SYNE2: variants seen among roughly 807,000 people sequenced by gnomAD.
The protein encoded by SYNE2 is spectrin repeat containing nuclear envelope protein 2.
A neutral mutation model predicts 856.3 loss-of-function variants in SYNE2; 431 were observed. The observed-to-expected ratio is 0.50, with a 90% CI of 0.47 to 0.55. SYNE2 has a LOEUF of 0.55. Ranked by LOEUF, SYNE2 falls within the 20% of genes least tolerant of loss-of-function variation. SYNE2 has a pLI of 0.00. For missense variants in SYNE2, 8,129 were observed against 8,023.2 expected (o/e 1.01, Z -0.50); for synonymous variants, 2,923 against 2,872.3 (o/e 1.02, Z -0.56).
At chr14:63,853,268 G>GGGAACCGACCCGATGCCGGGGTC (rs1437173491) in intron 1 of SYNE2, 125 bp downstream of exon 1, 2 of 152,114 alleles carry the variant, frequency 1.3e-5, no homozygotes, top group African/African-American at 4.8e-5. Context: ...GGCGGGAGAC[G>GGGAACCGACCCGATGCCGGGGTC]GGAACCGACC....
At chr14:63,995,923 C>T (rs926808513) in intron 23 of SYNE2, among the ~76,000 whole-genome samples, 20 of 152,088 alleles carry the variant, frequency 1.3e-4, no homozygotes, top group Non-Finnish European at 2.5e-4. Context: ...TGGCTAATTC[C>T]GTGCTTCCCT....
chr14:63,765,926 A>G (rs962244141), intron 1 of SYNE2, among the ~76,000 whole-genome samples: 4 of 152,068 alleles, frequency 2.6e-5, no homozygotes, highest in Non-Finnish European at 4.4e-5. Flanking sequence ...GGATTGCTTG[A>G]GCCAAGAGAT....
chr14:64,062,838 C>G lies in SYNE2; in HGVS notation c.10155C>G (p.Ser3385=), dbSNP rs771378569. Residue 3385 remains serine, a synonymous_variant, in exon 50 of 116, where the codon TCC becomes TCG. Transcript: ENST00000555002. ...LSKMETVLGQ[S]MSSLPLSYRE... is the part of the protein sequence containing the mutation. ...AAATGGAGACAGTTCTTGGACAGTC[C>G]ATGTCCTCGTTGCCACTGTCTTACA... 6.2e-7 allele frequency: 1 copy of G among 1,614,062 alleles called. No individual in the cohort carries two copies. Among genetic ancestry groups the G allele is most frequent in the Non-Finnish European group, 8.5e-7 (1 of 1,179,996 alleles).
intron 48 of SYNE2, among the ~76,000 whole-genome samples, chr14:64,054,426 A>G (rs909570488): frequency 6.6e-5 from 10 of 152,212 alleles, no homozygotes; most frequent in African/African-American, 2.4e-4. Context: ...GAGTGCTATT[A>G]TTAGCCCCGT....
intron 103 of SYNE2, 101 bp from the exon 104 acceptor site, chr14:64,211,860 A>T: frequency 1.9e-6 from 3 of 1,552,678 alleles, no homozygotes; most frequent in Non-Finnish European, 2.7e-6. Flanking sequence ...CTCCCTGAGT[A>T]TTCTGGGTAC....
Position 64,001,939 on chromosome 14 carries a change from A to G in SYNE2, c.3644A>G (p.Glu1215Gly). ...ELQMTLNTRM[E>G]SLETALRLVL... ...CTGATTTACCTTGCACCCAGAATGG[A>G]ATCTTTAGAGACAGCACTGCGGCTT... is the stretch of plus-strand genomic sequence containing the variant. The change falls in exon 29 of 116, where the codon GAA becomes GGA. Residue 1215 changes from glutamate (E) to glycine (G), a missense_variant. Physicochemically the swap from Glu to Gly is moderately conservative, Grantham distance 98. Transcript: ENST00000555002. 1 of 1,614,058 alleles carries G rather than the reference A, an allele frequency of 6.2e-7. No individual in the cohort carries two copies. The highest frequency in any genetic ancestry group is 8.5e-7 in the Non-Finnish European group (1 of 1,179,984).
chr14:63,892,229 A>C (rs2095149410), intron 1 of SYNE2, among the ~76,000 whole-genome samples: 1 of 152,102 alleles, frequency 6.6e-6, no homozygotes, highest in Admixed American at 6.6e-5. Context: ...ATACTGTTAT[A>C]ATTACAGTGA....
At chr14:64,026,503 T>C in intron 41 of SYNE2, 76 bp from the exon 42 acceptor site, 1 of 1,181,040 alleles carries the variant, frequency 8.5e-7, no homozygotes, top group East Asian at 2.5e-5. Flanking sequence ...TATATAAAGC[T>C]TACAAATAAA....
chr14:64,049,324 AC>A (rs1045956685), intron 46 of SYNE2: 10 of 159,878 alleles, frequency 6.3e-5, no homozygotes, highest in African/African-American at 2.4e-4. Flanking sequence ...GGTGACATGC[AC>A]CTGTAGTCCT....
At chr14:64,040,857 CAAG>C (rs2097143149) in intron 45 of SYNE2, among the ~76,000 whole-genome samples, 1 of 151,526 alleles carries the variant, frequency 6.6e-6, no homozygotes, top group Non-Finnish European at 1.5e-5. Flanking sequence ...AATCTTGTTT[CAAG>C]AAGAACAGAG....
At chr14:63,888,433 C>G (rs1308675784) in intron 1 of SYNE2, among the ~76,000 whole-genome samples, 1 of 152,184 alleles carries the variant, frequency 6.6e-6, no homozygotes, top group Non-Finnish European at 1.5e-5. Context: ...ATATTCTAGC[C>G]TGGATGAGCC....
rs374645403 is a variant in SYNE2 at position 64,098,032 on chromosome 14, A to G, written c.12192A>G (p.Val4064=). Residue 4064 remains valine (V), a synonymous_variant, in exon 62 of 116, where the codon GTA becomes GTG. Coordinates refer to ENST00000555002, the MANE Select transcript of SYNE2 (RefSeq NM_182914.3). ...EDLLVDLKAT[V]LNLHQHLKQE... ...TGTTGGTGGACTTGAAGGCCACCGT[A>G]CTAAACCTTCACCAGCATTTGAAGC... The G allele has an allele frequency of 4.0e-5, 64 of 1,614,100 alleles. No individual in the cohort carries two copies. The highest frequency in any genetic ancestry group is 5.0e-5 in the Non-Finnish European group (59 of 1,180,038).
chr14:64,037,819 C>G (rs1282985970), intron 45 of SYNE2, among the ~76,000 whole-genome samples: 1 of 148,124 alleles, frequency 6.8e-6, no homozygotes, highest in Admixed American at 6.6e-5. Flanking sequence ...ACCTCCCGGA[C>G]GGGGCGGCTG....
At chr14:63,881,915 TG>T (rs1411986074) in intron 1 of SYNE2, among the ~76,000 whole-genome samples, 1 of 152,230 alleles carries the variant, frequency 6.6e-6, no homozygotes, top group Non-Finnish European at 1.5e-5. Flanking sequence ...GTTAGCCTTA[TG>T]GGAATTTTAT....
rs777649898 is a variant in SYNE2, at chr14:64,008,594, A to G, written c.4577+1372A>G. 1.2e-4 allele frequency among the ~76,000 whole-genome samples: 19 copies of G among 152,238 alleles called. No individual in the cohort carries two copies. The South Asian group carries it at 1.7e-3, about 13-fold the overall frequency. On this transcript the variant is annotated intron_variant, in intron 31 of 115. Transcript: ENST00000555002. ...GCTTTGGAGGGATTCAGTTTTTTAT[A>G]TATGATTGCTTGTGTGTCCAGTTGT...
intron 1 of SYNE2, among the ~76,000 whole-genome samples, chr14:63,886,906 T>C (rs2094999506): frequency 1.3e-5 from 2 of 152,176 alleles, no homozygotes; most frequent in Non-Finnish European, 2.9e-5. Context: ...GTGATCTGCC[T>C]GCCTTGGCTT....
chr14:64,029,268 CT>C (rs1442245765), intron 43 of SYNE2, among the ~76,000 whole-genome samples: 1 of 152,138 alleles, frequency 6.6e-6, no homozygotes, highest in Non-Finnish European at 1.5e-5. Flanking sequence ...AGAAATCCTG[CT>C]TGAACAGATA....
chr14:63,959,287 CTTTTTTTTTTT>C (rs34198434), intron 8 of SYNE2, among the ~76,000 whole-genome samples: 31 of 81,374 alleles, frequency 3.8e-4, no homozygotes, highest in South Asian at 1.9e-3. Context: ...TTTTCTTCTT[CTTTTTTTTTTT>C]TTTTTTTTTT....
intron 1 of SYNE2, among the ~76,000 whole-genome samples, chr14:63,866,982 A>G (rs1417178795): frequency 1.3e-5 from 2 of 152,204 alleles, no homozygotes; most frequent in African/African-American, 4.8e-5. Flanking sequence ...AATTGTTAAT[A>G]TTTATTTAGT....
Sources: allele counts gnomAD v4.1 joint callset (sites outside exome capture counted in the v4.1 genomes callset), GRCh38; gene constraint gnomAD v4.1.1; transcripts MANE v1.5; gene names NCBI Gene and HGNC (gene_info 2026-07-23, HGNC 2026-07-21).